MARCHF11: variants seen among roughly 807,000 people sequenced by gnomAD.
MARCHF11 encodes the protein E3 ubiquitin-protein ligase MARCHF11.
Under a neutral mutation model 37.3 loss-of-function variants are expected in MARCHF11, and 29 were observed. The ratio of observed to expected loss-of-function variants is 0.78; its 90% confidence interval spans 0.58 to 1.06. The LOEUF is 1.06. Among genes scored for constraint, MARCHF11 ranks in the 50% least tolerant of loss-of-function variants. MARCHF11 has a pLI of 0.00. For synonymous variants in MARCHF11, 233 were observed against 228.0 expected, an observed-to-expected ratio of 1.02 and a Z score of -0.20; for missense variants, 482 against 533.4, an observed-to-expected ratio of 0.90 and a Z score of 0.95.
intron 2 of MARCHF11, among the ~76,000 whole-genome samples, chr5:16,108,081 C>T (rs867462822): frequency 3.9e-5 from 6 of 152,194 alleles, no homozygotes; most frequent in Non-Finnish European, 5.9e-5. Flanking sequence ...AAAGGCAGAG[C>T]GTCCACTGAG....
rs552291774 is a variant in MARCHF11, at chr5:16,125,619, C to G, written c.694-34538G>C. Among the ~76,000 whole-genome samples the G allele has an allele frequency of 2.5e-3, 351 of 142,358 alleles. 2 individuals carry two copies. The highest frequency in any genetic ancestry group is 7.4e-3 in the African/African-American group (286 of 38,754). The allele number at this position is 142,358 out of a possible 152,430, so 93.4% of individuals were successfully genotyped here. On this transcript the variant is annotated intron_variant, in intron 2 of 3. Transcript: ENST00000332432. ...CAGCTGGTGCACCCTGGCACACTCTCTGTGTGTGTGTGTGTGTGTGTGTGT... is the reference window on the plus strand; with the variant it reads ...CAGCTGGTGCACCCTGGCACACTCTGTGTGTGTGTGTGTGTGTGTGTGTGT...
intron 2 of MARCHF11, among the ~76,000 whole-genome samples, chr5:16,160,382 A>T (rs1440731889): frequency 6.9e-6 from 1 of 145,200 alleles, no homozygotes; most frequent in African/African-American, 2.5e-5. Flanking sequence ...ATTAAATATA[A>T]TAATATAATA....
At chr5:16,113,084 A>G (rs1051035118) in intron 2 of MARCHF11, among the ~76,000 whole-genome samples, 1 of 152,154 alleles carries the variant, frequency 6.6e-6, no homozygotes, top group Non-Finnish European at 1.5e-5. Flanking sequence ...ATGATAGGAA[A>G]TTGCTAATAC....
chr5:16,090,108 A>G (rs1736767448), intron 3 of MARCHF11, among the ~76,000 whole-genome samples: 1 of 152,152 alleles, frequency 6.6e-6, no homozygotes, highest in Non-Finnish European at 1.5e-5. Context: ...ACATCAGAGC[A>G]GGAAAATGCT....
At chr5:16,103,442 G>A (rs1475124639) in intron 2 of MARCHF11, among the ~76,000 whole-genome samples, 3 of 152,154 alleles carry the variant, frequency 2.0e-5, no homozygotes, top group African/African-American at 2.4e-5. Context: ...TAACTATGGA[G>A]TTTCAATTTT....
At chr5:16,113,132 G>T (rs1216029118) in intron 2 of MARCHF11, among the ~76,000 whole-genome samples, 3 of 152,124 alleles carry the variant, frequency 2.0e-5, no homozygotes, top group Non-Finnish European at 2.9e-5. Context: ...ACCAAGAAAT[G>T]CATGATATAT....
At chr5:16,085,148 C>T (rs766130013) in intron 3 of MARCHF11, among the ~76,000 whole-genome samples, 2 of 152,054 alleles carry the variant, frequency 1.3e-5, no homozygotes, top group Non-Finnish European at 1.5e-5. Flanking sequence ...GCACTTTCTA[C>T]ACTAAAAAGA....
intron 2 of MARCHF11, among the ~76,000 whole-genome samples, chr5:16,140,240 C>T (rs1174456258): frequency 6.6e-6 from 1 of 151,974 alleles, no homozygotes; most frequent in Non-Finnish European, 1.5e-5. Context: ...AGAAAATAAA[C>T]ATTCAATTCA....
chr5:16,137,827 T>G (rs189066381), intron 2 of MARCHF11, among the ~76,000 whole-genome samples: 25 of 152,280 alleles, frequency 1.6e-4, no homozygotes, highest in African/African-American at 6.0e-4. Context: ...GCCCTAGAGA[T>G]CTCTGGAACT....
chr5:16,080,708 A>T (rs1216157608), intron 3 of MARCHF11, among the ~76,000 whole-genome samples: 2 of 151,918 alleles, frequency 1.3e-5, no homozygotes, highest in African/African-American at 4.8e-5. Context: ...CCAGCTGATC[A>T]CCATATCTTG....
intron 2 of MARCHF11, among the ~76,000 whole-genome samples, chr5:16,107,698 C>CATAT (rs1737067604): frequency 6.6e-6 from 1 of 152,022 alleles, no homozygotes; most frequent in South Asian, 2.1e-4. Flanking sequence ...TCACGCCCCC[C>CATAT]TATCCTGTAC....
chr5:16,138,910 GC>G (rs1483364187), intron 2 of MARCHF11, among the ~76,000 whole-genome samples: 8 of 152,308 alleles, frequency 5.3e-5, no homozygotes, highest in African/African-American at 1.9e-4. Flanking sequence ...AATGCCTGTA[GC>G]CCCATTGTAT....
chr5:16,069,833 C>T lies in MARCHF11; in HGVS notation c.887-2040G>A, dbSNP rs1024224453. 6.6e-5 allele frequency among the ~76,000 whole-genome samples: 10 copies of T among 152,092 alleles called. No homozygotes were observed. The South Asian group carries it at 1.0e-3, about 16-fold the overall frequency. The stretch of plus-strand genomic sequence containing the variant: ...TATTACCTTTTTCCATCAGATAAAA[C>T]AATGCCAGGTGGTGATACAGCTACC... On this transcript the variant is annotated intron_variant, in intron 3 of 3. Transcript: ENST00000332432.
intron 3 of MARCHF11, among the ~76,000 whole-genome samples, chr5:16,082,497 G>A (rs1018655031): frequency 1.3e-5 from 2 of 152,126 alleles, no homozygotes; most frequent in Non-Finnish European, 1.5e-5. Context: ...AAATTTGAAG[G>A]GAAACTCACA....
rs143911548 is a variant in MARCHF11 at position 16,114,857 on chromosome 5, A to G, written c.694-23776T>C. Among the ~76,000 whole-genome samples the G allele has an allele frequency of 3.0e-4, 46 of 152,214 alleles. 1 individual carries two copies. The highest frequency in any genetic ancestry group is 1.1e-3 in the African/African-American group (46 of 41,546). On this transcript the variant is annotated intron_variant, in intron 2 of 3. Transcript: ENST00000332432. The stretch of plus-strand genomic sequence containing the variant: ...TTATTAATATAGAATGAAATATAGT[A>G]TAGTTTTTGTATTTTTCCACTGATT...
intron 2 of MARCHF11, among the ~76,000 whole-genome samples, chr5:16,138,083 T>C (rs891597768): frequency 3.3e-5 from 5 of 152,106 alleles, no homozygotes; most frequent in African/African-American, 9.7e-5. Context: ...CTGCAGAAAT[T>C]TGCATAAGTA....
rs1579430329 is a variant in MARCHF11 at position 16,177,799 on chromosome 5, C to T, written c.620G>A (p.Arg207Lys). 3 of 1,613,886 alleles carry T rather than the reference C, an allele frequency of 1.9e-6. No homozygotes were observed. The highest frequency in any genetic ancestry group is 1.7e-6 in the Non-Finnish European group (2 of 1,179,836). The change falls in exon 2 of 4, where the codon AGA becomes AAA. Residue 207 changes from arginine to lysine, a missense_variant. Arg to Lys is a conservative substitution (Grantham distance 26). Coordinates refer to ENST00000332432, the MANE Select transcript of MARCHF11 (RefSeq NM_001102562.3). ...QLCLLKWISERGSWTCELCCY... is the reference protein window; with the variant it reads ...QLCLLKWISEKGSWTCELCCY... Reference sequence around the variant, plus strand: ...GCAAAGTTCACAGGTCCAGGAACCTCTCTCACTGATCCATTTTAGCAGGCA... The same window carrying T: ...GCAAAGTTCACAGGTCCAGGAACCTTTCTCACTGATCCATTTTAGCAGGCA...
chr5:16,123,706 T>C (rs1026792113), intron 2 of MARCHF11, among the ~76,000 whole-genome samples: 1 of 151,794 alleles, frequency 6.6e-6, no homozygotes, highest in Non-Finnish European at 1.5e-5. Flanking sequence ...CACGTATTCA[T>C]ATACTGCCTC....
intron 2 of MARCHF11, among the ~76,000 whole-genome samples, chr5:16,163,378 A>T (rs1738118785): frequency 6.6e-6 from 1 of 152,072 alleles, no homozygotes; most frequent in Non-Finnish European, 1.5e-5. Flanking sequence ...TAGGGATTAA[A>T]AAAAACATAA....
Sources: allele counts gnomAD v4.1 joint callset (sites outside exome capture counted in the v4.1 genomes callset), GRCh38; gene constraint gnomAD v4.1.1; transcripts MANE v1.5; gene names NCBI Gene and HGNC (gene_info 2026-07-23, HGNC 2026-07-21).